The following BACH2 variants were observed in gnomAD, a reference collection of about 807,000 sequenced individuals.
The protein encoded by BACH2 is transcription regulator protein BACH2.
In BACH2, 5 loss-of-function variants were observed where a neutral mutation model predicts 61.8. The observed-to-expected ratio is 0.08, with a 90% CI of 0.04 to 0.17. BACH2 has a LOEUF of 0.17. BACH2 is among the 10% of genes least tolerant of loss of function. The pLI is 1.00. For synonymous variants in BACH2, 446 were observed against 440.1 expected, an observed-to-expected ratio of 1.01 and a Z score of -0.17; for missense variants, 824 against 1,091.1, an observed-to-expected ratio of 0.76 and a Z score of 3.45.
At chr6:90,199,266 G>C (rs540654315) in intron 4 of BACH2, among the ~76,000 whole-genome samples, 2 of 152,252 alleles carry the variant, frequency 1.3e-5, no homozygotes, top group South Asian at 4.2e-4. Context: ...ATGTGTTTCT[G>C]GTTAGACAGA....
chr6:90,236,615 G>A (rs1770267476), intron 3 of BACH2, among the ~76,000 whole-genome samples: 1 of 152,202 alleles, frequency 6.6e-6, no homozygotes, highest in African/African-American at 2.4e-5. Context: ...CTGGCCATAT[G>A]TGCAAAGCAG....
At chr6:90,217,098 C>T (rs370459558) in intron 3 of BACH2, among the ~76,000 whole-genome samples, 5 of 152,100 alleles carry the variant, frequency 3.3e-5, no homozygotes, top group Admixed American at 2.0e-4. Context: ...TCTCCTTGAG[C>T]GAAGTAAAAG....
At chr6:90,190,629 C>T (rs559072306) in intron 4 of BACH2, among the ~76,000 whole-genome samples, 1 of 152,340 alleles carries the variant, frequency 6.6e-6, no homozygotes, top group Non-Finnish European at 1.5e-5. Flanking sequence ...AACTAAAATG[C>T]TAGAGTCCCT....
chr6:90,203,872 C>T (rs901501799), intron 4 of BACH2, among the ~76,000 whole-genome samples: 11 of 152,224 alleles, frequency 7.2e-5, no homozygotes, highest in African/African-American at 2.4e-4. Context: ...CTGGTGTTTC[C>T]TCAGACCCTG....
In BACH2 at chr6:89,931,078, C is replaced by T. The variant is rs969354781; in HGVS notation, c.*1330G>A. On this transcript the variant is annotated 3_prime_UTR_variant, in exon 9 of 9. Transcript: ENST00000257749. Reference sequence around the variant, plus strand: ...GAGCAGGTCCTACTGCACAACACTTCCAAGAGCAAGCCGAGGCCTCAGGAC... The same window carrying T: ...GAGCAGGTCCTACTGCACAACACTTTCAAGAGCAAGCCGAGGCCTCAGGAC... 4.6e-5 allele frequency: 7 copies of T among 152,392 alleles called. No individual in the cohort carries two copies. Among genetic ancestry groups the T allele is most frequent in the African/African-American group, 1.7e-4 (7 of 41,468 alleles). The allele number at this position is 152,392 out of a possible 1,614,324, so 9.4% of individuals were successfully genotyped here. A position where few individuals can be genotyped will look rare whatever the true frequency, so the allele number is the denominator to read the frequency against.
At chr6:89,938,004 G>T in intron 8 of BACH2, 140 bp downstream of exon 8, 2 of 757,134 alleles carry the variant, frequency 2.6e-6, no homozygotes, top group South Asian at 1.7e-5. Flanking sequence ...TATTATTTCT[G>T]TTGAGAAACT....
chr6:90,052,196 T>C (rs1780078658), intron 5 of BACH2, among the ~76,000 whole-genome samples: 2 of 152,228 alleles, frequency 1.3e-5, no homozygotes, highest in Admixed American at 1.3e-4. Flanking sequence ...ACTATTCAGT[T>C]GTACTGCTTC....
chr6:90,121,089 T>A (rs1431562764), intron 4 of BACH2, among the ~76,000 whole-genome samples: 2 of 152,182 alleles, frequency 1.3e-5, no homozygotes, highest in Non-Finnish European at 2.9e-5. Flanking sequence ...AAAAAATTCC[T>A]CACTTAAAGA....
chr6:90,065,865 G>C (rs1183147816), intron 5 of BACH2, among the ~76,000 whole-genome samples: 1 of 152,130 alleles, frequency 6.6e-6, no homozygotes, highest in East Asian at 1.9e-4. Flanking sequence ...AACCATAGAA[G>C]GCAGTATGTG....
At chr6:90,201,404 T>C (rs893743667) in intron 4 of BACH2, among the ~76,000 whole-genome samples, 40 of 152,334 alleles carry the variant, frequency 2.6e-4, no homozygotes, top group Non-Finnish European at 4.6e-4. Flanking sequence ...CTCATCATTT[T>C]AATTTGCATT....
At chr6:90,000,285 AAAT>A (rs1178877645) in intron 6 of BACH2, among the ~76,000 whole-genome samples, 1 of 152,248 alleles carries the variant, frequency 6.6e-6, no homozygotes, top group East Asian at 1.9e-4. Flanking sequence ...GCGTTACTAT[AAAT>A]AAGTTCTGCC....
At chr6:90,058,057 T>G (rs1172737792) in intron 5 of BACH2, among the ~76,000 whole-genome samples, 1 of 152,182 alleles carries the variant, frequency 6.6e-6, no homozygotes, top group Non-Finnish European at 1.5e-5. Flanking sequence ...CTTTGAAAAC[T>G]GGCACAAGAC....
intron 5 of BACH2, among the ~76,000 whole-genome samples, chr6:90,040,359 TTAATG>T (rs1562392178): frequency 6.6e-6 from 1 of 152,184 alleles, no homozygotes; most frequent in Non-Finnish European, 1.5e-5. Flanking sequence ...AGATGCTTCC[TTAATG>T]TAAACTAAAA....
At chr6:89,989,852 T>C (rs941578747) in intron 6 of BACH2, among the ~76,000 whole-genome samples, 10 of 152,178 alleles carry the variant, frequency 6.6e-5, no homozygotes, top group Admixed American at 3.9e-4. Context: ...GGAATGCGAA[T>C]GAATAGTCTC....
intron 4 of BACH2, among the ~76,000 whole-genome samples, chr6:90,176,230 T>C (rs1582451475): frequency 6.6e-6 from 1 of 152,154 alleles, no homozygotes; most frequent in Non-Finnish European, 1.5e-5. Flanking sequence ...TTAAAACACA[T>C]AGCAAAGCAG....
At chr6:90,211,126 C>CAAAAAAAAAAAAA (rs3072672) in intron 3 of BACH2, among the ~76,000 whole-genome samples, 1 of 45,350 alleles carries the variant, frequency 2.2e-5, no homozygotes, top group African/African-American at 9.6e-5. Flanking sequence ...GACTCCATCT[C>CAAAAAAAAAAAAA]AAAAAAAAAA....
At chr6:90,244,165 G>A (rs1363705688) in intron 3 of BACH2, among the ~76,000 whole-genome samples, 8 of 152,026 alleles carry the variant, frequency 5.3e-5, no homozygotes, top group African/African-American at 1.9e-4. Context: ...CAAGCAATCC[G>A]CCTGCCTGGG....
intron 7 of BACH2, among the ~76,000 whole-genome samples, chr6:89,945,193 T>C (rs189070359): frequency 2.0e-5 from 3 of 152,340 alleles, no homozygotes; most frequent in Admixed American, 2.0e-4. Context: ...ACTGAAAACA[T>C]GTCTTAAAAA....
At chr6:90,239,359 A>G (rs1469319093) in intron 3 of BACH2, among the ~76,000 whole-genome samples, 1 of 152,212 alleles carries the variant, frequency 6.6e-6, no homozygotes, top group Non-Finnish European at 1.5e-5. Flanking sequence ...CATAAGAAGT[A>G]AATCACATTA....
Sources: allele counts gnomAD v4.1 joint callset (sites outside exome capture counted in the v4.1 genomes callset), GRCh38; gene constraint gnomAD v4.1.1; transcripts MANE v1.5; gene names NCBI Gene and HGNC (gene_info 2026-07-23, HGNC 2026-07-21).